The following ODAD2 variants were observed in gnomAD, a reference collection of about 807,000 sequenced individuals.
The protein encoded by ODAD2 is outer dynein arm-docking complex subunit 2.
In ODAD2, 89 loss-of-function variants were observed where a neutral mutation model predicts 106.8. The observed-to-expected ratio is 0.83, with a 90% CI of 0.70 to 0.99. The LOEUF is 0.99. ODAD2 is among the 50% of genes least tolerant of loss of function. The pLI, the probability that ODAD2 is intolerant of heterozygous loss-of-function variation, is 0.00. For synonymous variants in ODAD2, 404 were observed against 436.2 expected (o/e 0.93, Z 0.92); for missense variants, 1,168 against 1,238.5 (o/e 0.94, Z 0.85).
At chr10:27,863,379 A>G (rs1471793341) in intron 17 of ODAD2, among the ~76,000 whole-genome samples, 2 of 152,216 alleles carry the variant, frequency 1.3e-5, no homozygotes, top group African/African-American at 4.8e-5. Context: ...ATGAGAAATG[A>G]AACAAGAAGG....
At chr10:27,870,562 T>G (rs1215624508) in intron 17 of ODAD2, among the ~76,000 whole-genome samples, 1 of 151,940 alleles carries the variant, frequency 6.6e-6, no homozygotes, top group African/African-American at 2.4e-5. Context: ...TGTCCAAGTG[T>G]TCTCATTGTT....
Position 27,940,749 on chromosome 10 carries a change from A to AT in ODAD2, c.1799dup (p.Tyr600Ter). The AT allele has an allele frequency of 6.2e-7, 1 of 1,614,136 alleles. No homozygotes were observed. Among genetic ancestry groups the AT allele is most frequent in the Non-Finnish European group, 8.5e-7 (1 of 1,180,006 alleles). ...GAGCCACTTCCACGTCTCTGGCCTC[A>AT]TACAGACTCGATTGGGCAGGTTTTG... ...DSTKPAQSSL[Y>*]EARDVEVARC... Residue 600 changes from tyrosine (Y) to a stop codon, truncating the protein, a stop_gained and frameshift_variant, in exon 13 of 20, where the codon TAT (tyrosine) becomes TAAT (stop). Coordinates refer to ENST00000305242, the MANE Select transcript of ODAD2 (RefSeq NM_018076.5). LOFTEE classifies it high-confidence loss of function.
At chr10:27,823,187 G>C (rs1229161505) in intron 19 of ODAD2, among the ~76,000 whole-genome samples, 1 of 152,082 alleles carries the variant, frequency 6.6e-6, no homozygotes, top group Non-Finnish European at 1.5e-5. Context: ...GCCTCAAGTT[G>C]CTCTTGGATT....
chr10:27,977,283 G>A (rs562446232), intron 7 of ODAD2, among the ~76,000 whole-genome samples: 8 of 152,038 alleles, frequency 5.3e-5, no homozygotes, highest in Middle Eastern at 3.4e-3. Context: ...TACAAGACTC[G>A]GCCGGGCACG....
chr10:27,974,334 T>G lies in ODAD2; in HGVS notation c.937-3021A>C, dbSNP rs561081939. Among the ~76,000 whole-genome samples, 229 of 152,262 alleles carry G rather than the reference T, an allele frequency of 1.5e-3. 1 individual carries two copies. The highest frequency in any genetic ancestry group is 2.7e-3 in the Non-Finnish European group (184 of 67,994). On this transcript the variant is annotated intron_variant, in intron 7 of 19. Coordinates refer to ENST00000305242, the MANE Select transcript of ODAD2 (RefSeq NM_018076.5). ...CAATTGCAAATGGTATTGCCTAGGT[T>G]GTCTTCCAGGGTTTTTATAGTTTTG...
intron 2 of ODAD2, among the ~76,000 whole-genome samples, chr10:27,993,628 C>T (rs1189079516): frequency 2.0e-5 from 3 of 151,604 alleles, no homozygotes; most frequent in African/African-American, 7.3e-5. Flanking sequence ...CCAGCCTGGG[C>T]AAAAGAGCGA....
intron 19 of ODAD2, among the ~76,000 whole-genome samples, chr10:27,834,122 T>A (rs1384545420): frequency 6.6e-6 from 1 of 152,224 alleles, no homozygotes; most frequent in East Asian, 1.9e-4. Flanking sequence ...AAGTAGCAGA[T>A]GATTGCCAAG....
chr10:27,844,155 A>T (rs562022996), intron 19 of ODAD2, among the ~76,000 whole-genome samples: 31 of 152,304 alleles, frequency 2.0e-4, no homozygotes, highest in African/African-American at 7.5e-4. Context: ...TGATCGTGCC[A>T]CTGTACTCCA....
At chr10:27,924,614 G>GAAAAAAAAAAAAAAAAAAAAAA (rs60226782) in intron 16 of ODAD2, among the ~76,000 whole-genome samples, 1 of 12,648 alleles carries the variant, frequency 7.9e-5, no homozygotes, top group African/African-American at 4.3e-4. Context: ...TGATTAGGAG[G>GAAAAAAAAAAAAAAAAAAAAAA]AAAAAAAAAA....
intron 9 of ODAD2, among the ~76,000 whole-genome samples, chr10:27,964,436 T>C (rs1464439477): frequency 4.6e-5 from 7 of 151,914 alleles, no homozygotes; most frequent in Admixed American, 2.6e-4. Flanking sequence ...ATAGAGAGAG[T>C]GTGAAATATG....
At chr10:27,832,923 T>G (rs1589776683) in intron 19 of ODAD2, among the ~76,000 whole-genome samples, 1 of 152,148 alleles carries the variant, frequency 6.6e-6, no homozygotes, top group African/African-American at 2.4e-5. Flanking sequence ...TAGGAATAAT[T>G]TTTTTCAAAT....
At position 27,936,772 on chromosome 10, in the gene ODAD2, T is replaced by G; in HGVS notation, c.2206A>C (p.Thr736Pro). 1 of 1,614,096 alleles carries G rather than the reference T, an allele frequency of 6.2e-7. No homozygotes were observed. Among genetic ancestry groups the G allele is most frequent in the South Asian group, 1.1e-5 (1 of 91,080 alleles). ...ATGGAACATTTCCATATAGCCCCTG[T>G]GACAGCAGCTAACCGCTCTTTATTG... ...TDNKERLAAV[T>P]GAIWKCSISK... The change falls in exon 15 of 20, where the codon ACA becomes CCA. Residue 736 changes from threonine (T) to proline (P), a missense_variant. Transcript: ENST00000305242.
At chr10:27,936,923 A>G (rs1407624626) in intron 14 of ODAD2, 43 bp from the exon 15 acceptor site, 1 of 1,553,638 alleles carries the variant, frequency 6.4e-7, no homozygotes, top group Non-Finnish European at 8.7e-7. Context: ...ATCAAGGAAT[A>G]TCAAGCTTTC....
chr10:27,844,513 C>T (rs1838565374), intron 19 of ODAD2, among the ~76,000 whole-genome samples: 2 of 152,200 alleles, frequency 1.3e-5, no homozygotes, highest in South Asian at 4.1e-4. Flanking sequence ...GCAATACCTT[C>T]CAATGGTGGT....
At chr10:27,834,610 G>A (rs767649423) in intron 19 of ODAD2, among the ~76,000 whole-genome samples, 2 of 152,188 alleles carry the variant, frequency 1.3e-5, no homozygotes, top group Admixed American at 1.3e-4. Flanking sequence ...GTGAGATAAC[G>A]ATGGAGAGGC....
intron 10 of ODAD2, among the ~76,000 whole-genome samples, chr10:27,950,086 C>T (rs566784759): frequency 5.9e-5 from 9 of 152,246 alleles, no homozygotes; most frequent in African/African-American, 2.2e-4. Flanking sequence ...AAGAAGCAGC[C>T]GGTGAGACTT....
intron 19 of ODAD2, among the ~76,000 whole-genome samples, chr10:27,818,932 T>A (rs538627988): frequency 6.6e-6 from 1 of 152,284 alleles, no homozygotes; most frequent in South Asian, 2.1e-4. Flanking sequence ...GCATCTTGGA[T>A]CTGTACTCTG....
At chr10:27,942,646 T>G (rs1441811163) in intron 12 of ODAD2, among the ~76,000 whole-genome samples, 3 of 152,230 alleles carry the variant, frequency 2.0e-5, no homozygotes, top group Non-Finnish European at 4.4e-5. Flanking sequence ...ATTGTTTCAT[T>G]ATTTAAGCAG....
At chr10:27,856,823 C>T (rs1020608049) in intron 19 of ODAD2, among the ~76,000 whole-genome samples, 1 of 152,060 alleles carries the variant, frequency 6.6e-6, no homozygotes, top group African/African-American at 2.4e-5. Context: ...AAAAATTAGT[C>T]GGGCATCATG....
Sources: allele counts gnomAD v4.1 joint callset (sites outside exome capture counted in the v4.1 genomes callset), GRCh38; gene constraint gnomAD v4.1.1; transcripts MANE v1.5; gene names NCBI Gene and HGNC (gene_info 2026-07-23, HGNC 2026-07-21).